Variants in RELN observed in about 807,000 individuals in gnomAD.
RELN encodes reelin.
Under a neutral mutation model 427.6 loss-of-function variants are expected in RELN, and 108 were observed. That is an observed-to-expected ratio of 0.25 (90% CI 0.22 to 0.30). RELN has a LOEUF of 0.30. Among genes scored for constraint, RELN ranks in the 10% least tolerant of loss-of-function variants. The probability of loss-of-function intolerance (pLI) is 1.00; values close to 1 mark genes in which losing one functional copy is unlikely to be tolerated. For synonymous variants in RELN, 1,524 were observed against 1,513.4 expected (o/e 1.01, Z -0.16); for missense variants, 3,715 against 4,302.8 (o/e 0.86, Z 3.82).
chr7:103,677,550 G>A (rs931933520), intron 11 of RELN, among the ~76,000 whole-genome samples: 2 of 149,984 alleles, frequency 1.3e-5, no homozygotes, highest in Non-Finnish European at 3.0e-5. Flanking sequence ...CAGATCACTT[G>A]AGGTCAGGAG....
intron 57 of RELN, among the ~76,000 whole-genome samples, 157 bp downstream of exon 57, chr7:103,495,566 A>G (rs1315384205): frequency 6.6e-6 from 1 of 152,244 alleles, no homozygotes; most frequent in African/African-American, 2.4e-5. Context: ...ATACTTGAAT[A>G]AAGGTCTTTG....
At chr7:103,772,323 TGAA>T (rs1791589283) in intron 4 of RELN, among the ~76,000 whole-genome samples, 3 of 149,334 alleles carry the variant, frequency 2.0e-5, no homozygotes, top group Non-Finnish European at 4.4e-5. Flanking sequence ...AATGAATGAA[TGAA>T]TGAATGAATG....
In RELN at chr7:103,776,019, T is replaced by C. The variant is rs113840942; in HGVS notation, c.544+538A>G. Among the ~76,000 whole-genome samples the C allele has an allele frequency of 3.3e-3, 500 of 152,344 alleles. 3 individuals carry two copies. The highest frequency in any genetic ancestry group is 0.011 in the African/African-American group (476 of 41,580). ...CCTGGTTTTAACTTTTTCATTGTGCTGTGTTTGTGTGTGCATGTGCATGCA... is the reference window on the plus strand; with the variant it reads ...CCTGGTTTTAACTTTTTCATTGTGCCGTGTTTGTGTGTGCATGTGCATGCA... On this transcript the variant is annotated intron_variant, in intron 4 of 64. Coordinates refer to ENST00000428762, the MANE Select transcript of RELN (RefSeq NM_005045.4).
At chr7:103,707,403 G>T (rs1834227732) in intron 8 of RELN, among the ~76,000 whole-genome samples, 1 of 151,998 alleles carries the variant, frequency 6.6e-6, no homozygotes, top group African/African-American at 2.4e-5. Flanking sequence ...GTGTTAACCT[G>T]ATATAATACT....
chr7:103,543,877 T>G (rs1265060136), intron 42 of RELN, among the ~76,000 whole-genome samples: 1 of 152,218 alleles, frequency 6.6e-6, no homozygotes, highest in Non-Finnish European at 1.5e-5. Flanking sequence ...AACTTTTTCA[T>G]GAGCCCGAAA....
intron 2 of RELN, among the ~76,000 whole-genome samples, chr7:103,853,922 T>C (rs1793883265): frequency 6.6e-6 from 1 of 152,018 alleles, no homozygotes; most frequent in East Asian, 1.9e-4. Context: ...TGGGTGAGTA[T>C]GGTTAACAAT....
chr7:103,811,693 A>T (rs1046512541), intron 3 of RELN, among the ~76,000 whole-genome samples: 4 of 152,254 alleles, frequency 2.6e-5, no homozygotes, highest in African/African-American at 4.8e-5. Context: ...CTCTAGTACA[A>T]TATTAGAAAC....
At chr7:103,526,898 TG>T (rs763382942) in intron 46 of RELN, among the ~76,000 whole-genome samples, 3 of 152,262 alleles carry the variant, frequency 2.0e-5, no homozygotes, top group Non-Finnish European at 4.4e-5. Context: ...TTCCCGGAGT[TG>T]GGGGAAAAAT....
At chr7:103,941,017 C>T (rs1463686599) in intron 1 of RELN, among the ~76,000 whole-genome samples, 1 of 152,160 alleles carries the variant, frequency 6.6e-6, no homozygotes. Flanking sequence ...AGCTTCTACG[C>T]AATAAGCGTT....
At chr7:103,688,401 C>T (rs556995842) in intron 10 of RELN, among the ~76,000 whole-genome samples, 44 of 152,138 alleles carry the variant, frequency 2.9e-4, no homozygotes, top group African/African-American at 1.1e-3. Flanking sequence ...ATAAAACCAT[C>T]AAGTGAACTG....
chr7:103,880,656 C>T (rs1794586102), intron 2 of RELN, among the ~76,000 whole-genome samples: 1 of 152,238 alleles, frequency 6.6e-6, no homozygotes, highest in Middle Eastern at 3.4e-3. Flanking sequence ...ATTTCCTCAT[C>T]CAGAGGCCTA....
intron 4 of RELN, 64 bp from the exon 5 acceptor site, chr7:103,753,278 A>G: frequency 3.2e-6 from 5 of 1,540,860 alleles, no homozygotes; most frequent in Non-Finnish European, 4.5e-6. Flanking sequence ...CCAGTAATAA[A>G]GAGTCACAAC....
chr7:103,947,138 T>C (rs1340048463), intron 1 of RELN, among the ~76,000 whole-genome samples: 1 of 152,230 alleles, frequency 6.6e-6, no homozygotes, highest in Non-Finnish European at 1.5e-5. Context: ...TATTCTTACA[T>C]ATATCTCATC....
chr7:103,792,648 T>A (rs1252240477), intron 3 of RELN, among the ~76,000 whole-genome samples: 3 of 152,030 alleles, frequency 2.0e-5, no homozygotes, highest in Non-Finnish European at 2.9e-5. Flanking sequence ...GTTATAAAAA[T>A]TTTTATAATT....
chr7:103,534,589 G>A (rs905628721), intron 46 of RELN, among the ~76,000 whole-genome samples: 3 of 152,006 alleles, frequency 2.0e-5, no homozygotes, highest in Non-Finnish European at 4.4e-5. Flanking sequence ...CTGGGCTCTA[G>A]TGATCCTCCT....
At chr7:103,948,844 T>C (rs1796271505) in intron 1 of RELN, among the ~76,000 whole-genome samples, 1 of 151,194 alleles carries the variant, frequency 6.6e-6, no homozygotes, top group South Asian at 2.1e-4. Context: ...TGAAATCTCA[T>C]CTCTACTAAA....
chr7:103,754,589 A>T (rs1030603137), intron 4 of RELN, among the ~76,000 whole-genome samples: 1 of 149,214 alleles, frequency 6.7e-6, no homozygotes, highest in African/African-American at 2.5e-5. Context: ...CCTGAGCAAT[A>T]TAGTAGGAGA....
At chr7:103,974,421 C>T (rs957360202) in intron 1 of RELN, among the ~76,000 whole-genome samples, 8 of 152,132 alleles carry the variant, frequency 5.3e-5, no homozygotes, top group Non-Finnish European at 1.2e-4. Flanking sequence ...AGAGTTAAGC[C>T]ATCTCTGATT....
In RELN at chr7:103,565,483, T is replaced by G. The variant is rs1481028795; in HGVS notation, c.5005A>C (p.Ser1669Arg). The change falls in exon 34 of 65, where the codon AGC becomes CGC. Residue 1669 changes from serine (S) to arginine (R), a missense_variant. By Grantham distance (110) the Ser-to-Arg change is moderately radical. Coordinates refer to ENST00000428762, the MANE Select transcript of RELN (RefSeq NM_005045.4). ...CTGAAGGGCTTGCTACAGCCCATGC[T>G]CATTTCAAACTGCAAAAAGGTAGAT... ...SASTFLQFEM[S>R]MGCSKPFSNS... 10 of 1,613,786 alleles carry G rather than the reference T, an allele frequency of 6.2e-6. No homozygotes were observed. Among genetic ancestry groups the G allele is most frequent in the Non-Finnish European group, 8.5e-6 (10 of 1,179,954 alleles).
Sources: gnomAD v4.1 joint callset for allele counts (sites outside exome capture counted in the v4.1 genomes callset) on GRCh38, gnomAD v4.1.1 for gene constraint, MANE v1.5 for transcripts, NCBI Gene and HGNC (gene_info 2026-07-23, HGNC 2026-07-21) for gene names.